The following PTPRN2 variants were observed in gnomAD, a reference collection of about 807,000 sequenced individuals.
The protein encoded by PTPRN2 is protein tyrosine phosphatase receptor type N2.
A neutral mutation model predicts 118.8 loss-of-function variants in PTPRN2; 74 were observed. The ratio of observed to expected loss-of-function variants is 0.62; its 90% confidence interval spans 0.52 to 0.76. The LOEUF is 0.76. PTPRN2 is among the 30% of genes least tolerant of loss of function. The pLI is 0.00. For synonymous variants in PTPRN2, 641 were observed against 608.0 expected (o/e 1.05, Z -0.80); for missense variants, 1,481 against 1,394.4 (o/e 1.06, Z -0.99).
intron 2 of PTPRN2, among the ~76,000 whole-genome samples, chr7:158,424,874 G>A (rs972838332): frequency 6.6e-6 from 1 of 151,990 alleles, no homozygotes; most frequent in Admixed American, 6.6e-5. Flanking sequence ...TCCCACGCCA[G>A]GTGTGCTCAG....
At chr7:157,744,554 A>C (rs1585357200) in intron 12 of PTPRN2, among the ~76,000 whole-genome samples, 1 of 152,374 alleles carries the variant, frequency 6.6e-6, no homozygotes, top group South Asian at 2.1e-4. Flanking sequence ...TAAAACACAA[A>C]TAGAGGTATA....
chr7:158,114,353 C>T (rs886082995), intron 9 of PTPRN2, among the ~76,000 whole-genome samples: 11 of 152,190 alleles, frequency 7.2e-5, no homozygotes, highest in Non-Finnish European at 1.0e-4. Context: ...GGTGCTGACA[C>T]TTGTTCAGGC....
At position 158,582,356 on chromosome 7, in the gene PTPRN2, G is replaced by A. The variant is rs78720177; in HGVS notation, c.112+5202C>T. 7.6e-4 allele frequency among the ~76,000 whole-genome samples: 115 copies of A among 152,236 alleles called. No individual in the cohort carries two copies. The East Asian group carries it at 0.016, about 21-fold the overall frequency. On this transcript the variant is annotated intron_variant, in intron 1 of 22. Transcript: ENST00000389418. ...GAGGCTCATCTGGCCTTCGTCTCTT[G>A]GGATTCGGCTGGATGAAAACCCTTT...
At chr7:157,817,520 C>A (rs73746643) in intron 12 of PTPRN2, among the ~76,000 whole-genome samples, 15 of 152,108 alleles carry the variant, frequency 9.9e-5, no homozygotes, top group Non-Finnish European at 4.4e-5. Context: ...TCATCCCATC[C>A]AGTCCTCCCC....
chr7:158,523,353 A>AAGTGGAGTCTGCCCTGG (rs1563391999), intron 1 of PTPRN2, among the ~76,000 whole-genome samples: 8 of 105,006 alleles, frequency 7.6e-5, no homozygotes, highest in Admixed American at 6.2e-4. Flanking sequence ...GTCTGCCCTG[A>AAGTGGAGTCTGCCCTGG]AGTGGAGTCT....
chr7:158,489,905 G>C (rs574847985), intron 1 of PTPRN2, 120 bp from the exon 2 acceptor site: 2 of 953,266 alleles, frequency 2.1e-6, no homozygotes, highest in East Asian at 2.7e-5. Flanking sequence ...AGGCTCCTCC[G>C]ACCCGGCTTT....
At chr7:158,323,748 G>T (rs1803226782) in intron 2 of PTPRN2, among the ~76,000 whole-genome samples, 1 of 152,002 alleles carries the variant, frequency 6.6e-6, no homozygotes, top group Non-Finnish European at 1.5e-5. Flanking sequence ...ACAAACACAG[G>T]CCTCCTCCAG....
intron 1 of PTPRN2, among the ~76,000 whole-genome samples, chr7:158,541,233 ACATT>A (rs1424426652): frequency 2.0e-5 from 3 of 152,174 alleles, no homozygotes; most frequent in African/African-American, 7.2e-5. Context: ...TTTCAAAGGG[ACATT>A]CAAATTCTTT....
At chr7:157,600,129 C>CTCTCCACCTGCCCACA (rs1801586970) in intron 16 of PTPRN2, among the ~76,000 whole-genome samples, 1 of 78,372 alleles carries the variant, frequency 1.3e-5, no homozygotes, top group Non-Finnish European at 2.6e-5. Flanking sequence ...ACCTGCCCAC[C>CTCTCCACCTGCCCACA]TCTCCACCTG....
intron 2 of PTPRN2, among the ~76,000 whole-genome samples, chr7:158,319,060 A>G (rs1397025013): frequency 6.6e-6 from 1 of 152,230 alleles, no homozygotes; most frequent in African/African-American, 2.4e-5. Flanking sequence ...TTTCTTGCAT[A>G]CAATGTCATA....
rs897022351 is a variant in PTPRN2, at chr7:158,235,523, T to C, written c.278-30250A>G. Reference sequence around the variant, plus strand: ...GACAAATACTGCATGTTCTCACTCATATGTGGGAGCTAACAAATGGATCTC... The same window carrying C: ...GACAAATACTGCATGTTCTCACTCACATGTGGGAGCTAACAAATGGATCTC... On this transcript the variant is annotated intron_variant, in intron 3 of 22. Coordinates refer to ENST00000389418, the MANE Select transcript of PTPRN2 (RefSeq NM_002847.5). Among the ~76,000 whole-genome samples, 8 of 152,284 alleles carry C rather than the reference T, an allele frequency of 5.3e-5. No homozygotes were observed. In the South Asian group the frequency reaches 1.7e-3, roughly 32 times the overall value.
At position 158,144,591 on chromosome 7, in the gene PTPRN2, ATT is replaced by A. The variant is rs1237747280; in HGVS notation, c.911-6078_911-6077del. ...GGGGTGGAGGTTGCAGTGAGCTAAG[ATT>A]GTGCCACTGCACTCCAGCCTGGGCG... On this transcript the variant is annotated intron_variant, in intron 6 of 22. Coordinates refer to ENST00000389418, the MANE Select transcript of PTPRN2 (RefSeq NM_002847.5). 4.8e-4 allele frequency among the ~76,000 whole-genome samples: 73 copies of A among 152,130 alleles called. 3 individuals are homozygous for A. The highest frequency in any genetic ancestry group is 4.7e-3 in the Admixed American group (72 of 15,268).
rs908306199 is a variant in PTPRN2 at position 157,656,832 on chromosome 7, TAC to T, written c.2002-283_2002-282del. Among the ~76,000 whole-genome samples the T allele has an allele frequency of 7.9e-4, 108 of 135,888 alleles. 4 individuals are homozygous for T. The highest frequency in any genetic ancestry group is 2.7e-3 in the African/African-American group (98 of 36,216). 89.1% of individuals were successfully genotyped at this position (135,888 alleles called of 152,430 possible). On this transcript the variant is annotated intron_variant, in intron 13 of 22. Transcript: ENST00000389418. ...ACAAACACACATACACACACACATA[TAC>T]ACACACACACCACACACACACACAC... is the stretch of plus-strand genomic sequence containing the variant.
rs1805431603 is a variant in PTPRN2, at chr7:158,003,537, G to C, written c.1723+77761C>G. Among the ~76,000 whole-genome samples the C allele has an allele frequency of 6.6e-6, 1 of 152,100 alleles. No individual in the cohort carries two copies. ...ACAGAAGGACAGCCCCTGAGGACGT[G>C]GCCACGACGCAGCCACCGTGAGCCA... On this transcript the variant is annotated intron_variant, in intron 11 of 22. Coordinates refer to ENST00000389418, the MANE Select transcript of PTPRN2 (RefSeq NM_002847.5). This position sits in a 1 kb window ranked among gnomAD's most constrained non-coding sequence, Gnocchi z 5.0.
At chr7:158,196,715 A>G (rs1826242165) in intron 4 of PTPRN2, among the ~76,000 whole-genome samples, 1 of 152,114 alleles carries the variant, frequency 6.6e-6, no homozygotes, top group Non-Finnish European at 1.5e-5. Context: ...GGGGACTTCA[A>G]TCCAGTGCCC....
chr7:158,486,930 A>G (rs889842193), intron 2 of PTPRN2, among the ~76,000 whole-genome samples: 5 of 151,924 alleles, frequency 3.3e-5, no homozygotes, highest in Admixed American at 6.6e-5. Context: ...AAACACTGAC[A>G]CCCCAACTGT....
At chr7:158,339,353 G>A (rs1164104179) in intron 2 of PTPRN2, among the ~76,000 whole-genome samples, 1 of 8,310 alleles carries the variant, frequency 1.2e-4, no homozygotes, top group Non-Finnish European at 2.4e-4. Flanking sequence ...ACATGCAGAT[G>A]TCACTCACAC....
intron 12 of PTPRN2, among the ~76,000 whole-genome samples, chr7:157,860,864 C>T (rs547175144): frequency 2.0e-5 from 3 of 152,334 alleles, no homozygotes; most frequent in Admixed American, 1.3e-4. Flanking sequence ...AGCAGCTGGC[C>T]GGGTGCATTT....
intron 3 of PTPRN2, among the ~76,000 whole-genome samples, chr7:158,293,934 C>T (rs566612205): frequency 6.6e-6 from 1 of 152,340 alleles, no homozygotes; most frequent in East Asian, 1.9e-4. Flanking sequence ...GGCATATCTC[C>T]TGAAGGACCT....
Sources: allele counts gnomAD v4.1 joint callset (sites outside exome capture counted in the v4.1 genomes callset), GRCh38; gene constraint gnomAD v4.1.1; non-coding constraint Gnocchi (gnomAD v3.1); transcripts MANE v1.5; gene names NCBI Gene and HGNC (gene_info 2026-07-23, HGNC 2026-07-21).